Variants in DCLK1 observed in about 807,000 individuals in gnomAD.
DCLK1 encodes doublecortin like kinase 1.
In DCLK1, 16 loss-of-function variants were observed where a neutral mutation model predicts 86.2. That is an observed-to-expected ratio of 0.19 (90% CI 0.13 to 0.28). The LOEUF (loss-of-function observed/expected upper bound fraction) is 0.28, where lower values mean the gene tolerates loss of function less well. Among genes scored for constraint, DCLK1 ranks in the 10% least tolerant of loss-of-function variants. The pLI, the probability that DCLK1 is intolerant of heterozygous loss-of-function variation, is 1.00. For synonymous variants in DCLK1, 369 were observed against 370.5 expected (o/e 1.00, Z 0.05); for missense variants, 590 against 940.2 (o/e 0.63, Z 4.87).
At chr13:35,879,232 G>C (rs1872748869) in intron 4 of DCLK1, among the ~76,000 whole-genome samples, 1 of 152,184 alleles carries the variant, frequency 6.6e-6, no homozygotes, top group Non-Finnish European at 1.5e-5. Context: ...AAAATACAGG[G>C]AGGTATGTTT....
chr13:36,028,418 C>T (rs962178557), intron 3 of DCLK1, among the ~76,000 whole-genome samples: 5 of 152,190 alleles, frequency 3.3e-5, no homozygotes, highest in African/African-American at 9.7e-5. Flanking sequence ...TGCGCCTTCA[C>T]AGGAGCCCTT....
At chr13:36,085,522 A>G (rs1884560449) in intron 3 of DCLK1, among the ~76,000 whole-genome samples, 1 of 152,184 alleles carries the variant, frequency 6.6e-6, no homozygotes, top group African/African-American at 2.4e-5. Context: ...GACAAAAATG[A>G]CCATCAATAA....
chr13:35,965,200 T>C (rs143839235), intron 3 of DCLK1, among the ~76,000 whole-genome samples: 9 of 152,286 alleles, frequency 5.9e-5, no homozygotes, highest in Admixed American at 5.2e-4. Flanking sequence ...ATGATGCCAA[T>C]AATTTTAGAA....
At chr13:35,800,588 G>T (rs189324160) in intron 15 of DCLK1, among the ~76,000 whole-genome samples, 4 of 152,320 alleles carry the variant, frequency 2.6e-5, no homozygotes, top group Non-Finnish European at 5.9e-5. Flanking sequence ...GAAAAATAAA[G>T]GTGAACTTAG....
intron 15 of DCLK1, among the ~76,000 whole-genome samples, chr13:35,804,887 G>A (rs760921151): frequency 7.9e-5 from 12 of 152,288 alleles, no homozygotes; most frequent in African/African-American, 1.9e-4. Flanking sequence ...AGGCAGCATC[G>A]GGGAGATTTT....
At chr13:36,013,812 C>T (rs969909405) in intron 3 of DCLK1, among the ~76,000 whole-genome samples, 3 of 152,126 alleles carry the variant, frequency 2.0e-5, no homozygotes, top group Admixed American at 6.5e-5. Context: ...CAATGGCGGG[C>T]GCCCCTCCCC....
At chr13:35,954,268 C>A (rs1449132179) in intron 3 of DCLK1, among the ~76,000 whole-genome samples, 1 of 151,936 alleles carries the variant, frequency 6.6e-6, no homozygotes, top group Non-Finnish European at 1.5e-5. Flanking sequence ...AGTCAACAAC[C>A]TTCCTCTTTC....
chr13:36,029,667 G>A (rs572354048), intron 3 of DCLK1, among the ~76,000 whole-genome samples: 10 of 152,270 alleles, frequency 6.6e-5, no homozygotes, highest in South Asian at 4.2e-4. Context: ...AAGAGAGTCC[G>A]ATGGACTATT....
At chr13:35,822,268 C>T (rs2087412959) in intron 11 of DCLK1, among the ~76,000 whole-genome samples, 1 of 152,170 alleles carries the variant, frequency 6.6e-6, no homozygotes, top group Non-Finnish European at 1.5e-5. Flanking sequence ...CTCCAGCAAC[C>T]TCAGCCTCCT....
chr13:35,956,614 G>A (rs920892679), intron 3 of DCLK1, among the ~76,000 whole-genome samples: 2 of 6,764 alleles, frequency 3.0e-4, no homozygotes. Context: ...AACACTTCAA[G>A]TTCTCATCAC....
At chr13:35,936,896 G>A (rs1876781864) in intron 4 of DCLK1, among the ~76,000 whole-genome samples, 1 of 149,254 alleles carries the variant, frequency 6.7e-6, no homozygotes, top group Non-Finnish European at 1.5e-5. Flanking sequence ...CATTAATAAA[G>A]AAGAGCAGAA....
rs34181385 is a variant in DCLK1, at chr13:35,821,672, GTATA to G, written c.1554+1053_1554+1056del. Among the ~76,000 whole-genome samples the G allele has an allele frequency of 4.7e-3, 681 of 144,646 alleles. 4 individuals carry two copies. Among genetic ancestry groups the G allele is most frequent in the African/African-American group, 0.015 (607 of 39,594 alleles). 94.9% of individuals were successfully genotyped at this position (144,646 alleles called of 152,430 possible). On this transcript the variant is annotated intron_variant, in intron 11 of 16. Transcript: ENST00000360631. ...GGAAAAGATATATATATAAATATAT[GTATA>G]TATATATATATATATGCACAGTATA...
intron 4 of DCLK1, among the ~76,000 whole-genome samples, chr13:35,937,369 C>A (rs1345572726): frequency 6.6e-6 from 1 of 152,116 alleles, no homozygotes; most frequent in African/African-American, 2.4e-5. Context: ...CCTCTCCTTT[C>A]TCATCATCCT....
chr13:35,940,917 A>G (rs1160381894), intron 4 of DCLK1, among the ~76,000 whole-genome samples: 1 of 152,210 alleles, frequency 6.6e-6, no homozygotes, highest in Non-Finnish European at 1.5e-5. Context: ...ACTAGGAGGT[A>G]TATTTCAGCT....
chr13:35,865,508 G>A (rs1007777273), intron 5 of DCLK1, among the ~76,000 whole-genome samples: 1 of 152,092 alleles, frequency 6.6e-6, no homozygotes, highest in African/African-American at 2.4e-5. Flanking sequence ...GTTTCTCTTT[G>A]CTAGCTCTGT....
At chr13:35,805,853 T>C (rs2087016835) in intron 14 of DCLK1, 74 bp from the exon 15 acceptor site, 2 of 1,356,974 alleles carry the variant, frequency 1.5e-6, no homozygotes, top group Admixed American at 4.5e-5. Flanking sequence ...ATGCAAGAGT[T>C]CTCTTTTAGT....
At chr13:35,808,425 T>C (rs2087073898) in intron 13 of DCLK1, 105 bp from the exon 14 acceptor site, 3 of 893,522 alleles carry the variant, frequency 3.4e-6, no homozygotes, top group African/African-American at 1.7e-5. Context: ...CCCATAAATG[T>C]GTAAAAATGT....
At chr13:35,800,071 C>G (rs1231314892) in intron 15 of DCLK1, among the ~76,000 whole-genome samples, 1 of 152,202 alleles carries the variant, frequency 6.6e-6, no homozygotes, top group African/African-American at 2.4e-5. Context: ...ATCTGTGACA[C>G]ACAAACAGGA....
intron 3 of DCLK1, among the ~76,000 whole-genome samples, chr13:36,085,699 TGG>T (rs940661858): frequency 6.6e-5 from 10 of 152,168 alleles, no homozygotes; most frequent in Admixed American, 1.3e-4. Flanking sequence ...AAATTATAGT[TGG>T]GGTAGACCGA....
Sources: allele counts gnomAD v4.1 joint callset (sites outside exome capture counted in the v4.1 genomes callset), GRCh38; gene constraint gnomAD v4.1.1; transcripts MANE v1.5; gene names NCBI Gene and HGNC (gene_info 2026-07-23, HGNC 2026-07-21).